Variants in IL1RAPL2 observed in about 807,000 individuals in gnomAD.
IL1RAPL2 encodes X-linked interleukin-1 receptor accessory protein-like 2.
In IL1RAPL2, 3 loss-of-function variants were observed where a neutral mutation model predicts 44.1. The observed-to-expected ratio is 0.07, with a 90% CI of 0.03 to 0.18. IL1RAPL2 has a LOEUF of 0.18. Among genes scored for constraint, IL1RAPL2 ranks in the 10% least tolerant of loss-of-function variants. The pLI is 1.00. For synonymous variants in IL1RAPL2, 181 were observed against 178.8 expected (o/e 1.01, Z -0.10); for missense variants, 391 against 496.4 (o/e 0.79, Z 2.02).
intron 2 of IL1RAPL2, among the ~76,000 whole-genome samples, chrX:104,912,814 G>A (rs1384094056): frequency 3.6e-5 from 4 of 111,968 alleles, no homozygotes; most frequent in African/African-American, 1.3e-4. Flanking sequence ...TAGCAAGGGT[G>A]TGTGTGCATA....
chrX:105,306,048 T>TA (rs1462493640), intron 5 of IL1RAPL2, among the ~76,000 whole-genome samples: 1 of 111,724 alleles, frequency 9.0e-6, no homozygotes, highest in East Asian at 2.8e-4. Flanking sequence ...TTGAAAGGTT[T>TA]AAAGCATGAT....
At position 104,881,257 on chromosome X, in the gene IL1RAPL2, C is replaced by T. The variant is rs924299379; in HGVS notation, c.82+222262C>T. Among the ~76,000 whole-genome samples, 13 of 111,418 alleles carry T rather than the reference C, an allele frequency of 1.2e-4. 1 individual carries two copies. The highest frequency in any genetic ancestry group is 2.3e-4 in the Non-Finnish European group (12 of 53,055). ...TGAGATATACCTTTCTTTACAATTACGTTCTTTGCTAGTGAACATGGGAGT... is the reference window on the plus strand; with the variant it reads ...TGAGATATACCTTTCTTTACAATTATGTTCTTTGCTAGTGAACATGGGAGT... On this transcript the variant is annotated intron_variant, in intron 2 of 10. Transcript: ENST00000372582.
At chrX:105,100,812 T>C (rs1287144290) in intron 2 of IL1RAPL2, among the ~76,000 whole-genome samples, 2 of 112,358 alleles carry the variant, frequency 1.8e-5, no homozygotes, top group East Asian at 2.8e-4. Context: ...CTGGATGATA[T>C]AGGCATCACC....
intron 2 of IL1RAPL2, among the ~76,000 whole-genome samples, chrX:104,975,840 T>C (rs999439426): frequency 9.0e-6 from 1 of 111,239 alleles, no homozygotes; most frequent in African/African-American, 3.3e-5. Flanking sequence ...CCTGATGACC[T>C]TGGGGTGAGA....
At chrX:105,414,263 G>C (rs950942924) in intron 5 of IL1RAPL2, among the ~76,000 whole-genome samples, 1 of 110,677 alleles carries the variant, frequency 9.0e-6, no homozygotes, top group African/African-American at 3.3e-5. Flanking sequence ...GAGTAGCCGG[G>C]ACTATAGGTG....
intron 4 of IL1RAPL2, among the ~76,000 whole-genome samples, chrX:105,246,678 C>T (rs1054317694): frequency 9.0e-6 from 1 of 111,111 alleles, no homozygotes; most frequent in Non-Finnish European, 1.9e-5. Context: ...ATTTGGGAGT[C>T]CTGATGGTTG....
At chrX:104,756,521 T>G (rs1262953854) in intron 2 of IL1RAPL2, among the ~76,000 whole-genome samples, 1 of 110,991 alleles carries the variant, frequency 9.0e-6, no homozygotes, top group Non-Finnish European at 1.9e-5. Context: ...AGTCTTTTTT[T>G]GTTCATTGTA....
chrX:104,916,630 C>T (rs953114296), intron 2 of IL1RAPL2, among the ~76,000 whole-genome samples: 6 of 111,639 alleles, frequency 5.4e-5, no homozygotes, highest in Admixed American at 1.9e-4. Context: ...TGAGAGAGGG[C>T]ATCCCTGTCT....
Position 105,344,279 on chromosome X carries a change from A to G in IL1RAPL2, c.697+76738A>G, listed in dbSNP as rs192986904. Among the ~76,000 whole-genome samples the G allele has an allele frequency of 2.7e-5, 3 of 112,022 alleles. No individual in the cohort carries two copies. In the East Asian group the frequency reaches 8.5e-4, roughly 32 times the overall value. On this transcript the variant is annotated intron_variant, in intron 5 of 10. Transcript: ENST00000372582. ...TAGGACAAAGACAGAGTAAAGTGTAATGACTTAAACTCGGGCTTTAGAGGC... is the reference window on the plus strand; with the variant it reads ...TAGGACAAAGACAGAGTAAAGTGTAGTGACTTAAACTCGGGCTTTAGAGGC...
intron 2 of IL1RAPL2, among the ~76,000 whole-genome samples, chrX:105,033,271 G>T (rs1051147808): frequency 3.6e-5 from 4 of 111,418 alleles, no homozygotes; most frequent in African/African-American, 1.3e-4. Context: ...TCATTATGAC[G>T]TTAGCTGGTT....
At chrX:104,751,198 G>C (rs747548881) in intron 2 of IL1RAPL2, among the ~76,000 whole-genome samples, 11 of 111,451 alleles carry the variant, frequency 9.9e-5, no homozygotes, top group African/African-American at 3.6e-4. Flanking sequence ...GGTGAAATTT[G>C]CATGTATATC....
At chrX:105,103,107 C>T (rs866967976) in intron 2 of IL1RAPL2, among the ~76,000 whole-genome samples, 3 of 111,440 alleles carry the variant, frequency 2.7e-5, no homozygotes. Context: ...GAATGAGGCC[C>T]GTACTCAGTA....
At chrX:104,815,857 C>G (rs1187753665) in intron 2 of IL1RAPL2, among the ~76,000 whole-genome samples, 1 of 101,030 alleles carries the variant, frequency 9.9e-6, no homozygotes, top group Non-Finnish European at 2.0e-5. Context: ...TTTTTGGTTC[C>G]TAGCCTTTTC....
intron 5 of IL1RAPL2, among the ~76,000 whole-genome samples, chrX:105,433,274 A>G (rs2035860212): frequency 9.0e-6 from 1 of 110,959 alleles, no homozygotes; most frequent in South Asian, 3.8e-4. Flanking sequence ...ATATTTAGCT[A>G]GTTCCATTGA....
chrX:104,895,181 A>G (rs1035141714), intron 2 of IL1RAPL2, among the ~76,000 whole-genome samples: 17 of 111,630 alleles, frequency 1.5e-4, no homozygotes, highest in Non-Finnish European at 2.5e-4. Context: ...CCATGGAGGT[A>G]TCAGTCTGCC....
chrX:105,188,557 T>A (rs1314492424), intron 2 of IL1RAPL2, among the ~76,000 whole-genome samples: 1 of 111,241 alleles, frequency 9.0e-6, no homozygotes, highest in Non-Finnish European at 1.9e-5. Context: ...GATTCTATAA[T>A]GAGAGGGAAA....
rs2035964293 is a variant in IL1RAPL2 at position 105,447,110 on chromosome X, A to AAAT, written c.698-37202_698-37201insATA. ...ATATATATATATATATATATATAAA[A>AAAT]ATATATATAAATATAAATATATATA... On this transcript the variant is annotated intron_variant, in intron 5 of 10. Coordinates refer to ENST00000372582, the MANE Select transcript of IL1RAPL2 (RefSeq NM_017416.2). Among the ~76,000 whole-genome samples the AAAT allele has an allele frequency of 6.5e-4, 18 of 27,872 alleles. 1 individual carries two copies. The highest frequency in any genetic ancestry group is 1.1e-3 in the East Asian group (1 of 887). 24.2% of individuals were successfully genotyped at this position (27,872 alleles called of 115,157 possible).
intron 2 of IL1RAPL2, among the ~76,000 whole-genome samples, chrX:104,889,955 C>A (rs769971213): frequency 9.0e-6 from 1 of 110,782 alleles, no homozygotes; most frequent in South Asian, 4.0e-4. Flanking sequence ...CCCCCTACCC[C>A]CAACCCAAGA....
intron 6 of IL1RAPL2, among the ~76,000 whole-genome samples, chrX:105,694,615 C>T (rs764350132): frequency 9.0e-6 from 1 of 110,992 alleles, no homozygotes; most frequent in Admixed American, 9.6e-5. Context: ...ATGTTGCTTA[C>T]ATATCCCTTC....
Sources: allele counts gnomAD v4.1 joint callset (sites outside exome capture counted in the v4.1 genomes callset), GRCh38; gene constraint gnomAD v4.1.1; transcripts MANE v1.5; gene names NCBI Gene and HGNC (gene_info 2026-07-23, HGNC 2026-07-21).